The following STAG1 variants were observed in gnomAD, a reference collection of about 807,000 sequenced individuals.
STAG1 encodes cohesin subunit SA-1.
A neutral mutation model predicts 170.9 loss-of-function variants in STAG1; 26 were observed. The observed-to-expected ratio is 0.15, with a 90% CI of 0.11 to 0.21. The LOEUF (loss-of-function observed/expected upper bound fraction) is 0.21. Among genes scored for constraint, STAG1 ranks in the 10% least tolerant of loss-of-function variants. STAG1 has a pLI of 1.00. For synonymous variants in STAG1, 514 were observed against 497.7 expected (o/e 1.03, Z -0.44); for missense variants, 964 against 1,509.5 (o/e 0.64, Z 5.99).
chr3:136,528,500 C>CT (rs906328526), intron 6 of STAG1, among the ~76,000 whole-genome samples: 2 of 137,936 alleles, frequency 1.4e-5, no homozygotes, highest in Non-Finnish European at 3.1e-5. Context: ...CCGCACCCCC[C>CT]CCCCCAAAAA....
At chr3:136,469,146 G>A (rs921996976) in intron 12 of STAG1, among the ~76,000 whole-genome samples, 2 of 151,854 alleles carry the variant, frequency 1.3e-5, no homozygotes, top group East Asian at 1.9e-4. Context: ...GGGCAATCAG[G>A]CAGGAGAAGG....
intron 1 of STAG1, among the ~76,000 whole-genome samples, chr3:136,650,244 A>G (rs1266598980): frequency 6.6e-6 from 1 of 151,870 alleles, no homozygotes; most frequent in Admixed American, 6.6e-5. Context: ...AAGAAAAAAA[A>G]AAAAAAGAGA....
intron 6 of STAG1, among the ~76,000 whole-genome samples, chr3:136,532,764 A>G (rs1935441420): frequency 6.6e-6 from 1 of 152,192 alleles, no homozygotes; most frequent in South Asian, 2.1e-4. Context: ...AAAGGAATAT[A>G]CCTCAAAATA....
rs144187628 is a variant in STAG1, at chr3:136,521,166, T to C, written c.676+47A>G. On this transcript the variant is annotated intron_variant, in intron 7 of 33. Transcript: ENST00000383202. ...TTAAGTTTGTAATCAGAATAAAACA[T>C]AGTCAACAAAACTAAATGAAAAGGA... 9.6e-4 allele frequency: 1,399 copies of C among 1,452,306 alleles called. 1 individual carries two copies. In the Middle Eastern group the frequency reaches 0.01, roughly 11 times the overall value. 90.0% of individuals were successfully genotyped at this position (1,452,306 alleles called of 1,614,324 possible). A position where few individuals can be genotyped will look rare whatever the true frequency, so the allele number is the denominator to read the frequency against.
intron 8 of STAG1, 61 bp downstream of exon 8, chr3:136,502,567 A>T (rs940613383): frequency 4.6e-6 from 7 of 1,523,850 alleles, no homozygotes; most frequent in Non-Finnish European, 6.2e-6. Flanking sequence ...AAAAAGTACT[A>T]ATGTCATATA....
chr3:136,654,602 A>G (rs548644938), intron 1 of STAG1, among the ~76,000 whole-genome samples: 75 of 152,352 alleles, frequency 4.9e-4, no homozygotes, highest in Non-Finnish European at 3.2e-4. Context: ...AAATAACAAC[A>G]GTATTTTTTG....
At chr3:136,469,248 C>A (rs2107807209) in intron 12 of STAG1, among the ~76,000 whole-genome samples, 1 of 152,220 alleles carries the variant, frequency 6.6e-6, no homozygotes, top group African/African-American at 2.4e-5. Flanking sequence ...TCGTCTCAGC[C>A]CAAAATCTCC....
At position 136,377,386 on chromosome 3, in the gene STAG1, C is replaced by CAAAAAAAAAAAAA. The variant is rs57934830; in HGVS notation, c.2370+261_2370+273dup. On this transcript the variant is annotated intron_variant, in intron 23 of 33. Coordinates refer to ENST00000383202, the MANE Select transcript of STAG1 (RefSeq NM_005862.3). ...TGGGCGACAGAGCGAGACTCTGTCT[C>CAAAAAAAAAAAAA]AAAAAAAAAAAAAAAAAAAGTCTAC... 5.3e-3 allele frequency among the ~76,000 whole-genome samples: 227 copies of CAAAAAAAAAAAAA among 42,568 alleles called. 66 individuals carry two copies. The highest frequency in any genetic ancestry group is 7.4e-3 in the African/African-American group (60 of 8,126). 27.9% of individuals were successfully genotyped at this position (42,568 alleles called of 152,430 possible).
intron 1 of STAG1, among the ~76,000 whole-genome samples, chr3:136,715,923 C>T (rs563741383): frequency 3.3e-5 from 5 of 150,514 alleles, no homozygotes; most frequent in East Asian, 4.0e-4. Flanking sequence ...CGTGGCAAAA[C>T]GCTGTTTCTA....
intron 5 of STAG1, among the ~76,000 whole-genome samples, chr3:136,560,511 T>A (rs1183926451): frequency 6.6e-6 from 1 of 152,220 alleles, no homozygotes; most frequent in African/African-American, 2.4e-5. Flanking sequence ...ACTTATGAAT[T>A]TACATAGCTT....
At chr3:136,554,503 C>A (rs916326260) in intron 5 of STAG1, among the ~76,000 whole-genome samples, 1 of 152,176 alleles carries the variant, frequency 6.6e-6, no homozygotes, top group African/African-American at 2.4e-5. Context: ...GACAAGTCTA[C>A]AATTACAGAC....
At chr3:136,495,471 G>A (rs1228860460) in intron 9 of STAG1, among the ~76,000 whole-genome samples, 1 of 152,074 alleles carries the variant, frequency 6.6e-6, no homozygotes, top group East Asian at 1.9e-4. Flanking sequence ...GCTCTGTAAA[G>A]GTCACCATCA....
At chr3:136,490,345 A>C (rs2090100663) in intron 9 of STAG1, among the ~76,000 whole-genome samples, 1 of 152,104 alleles carries the variant, frequency 6.6e-6, no homozygotes, top group Non-Finnish European at 1.5e-5. Flanking sequence ...GTTATTTTAG[A>C]TGTATTGAAA....
chr3:136,589,256 T>C (rs1172111603), intron 4 of STAG1, among the ~76,000 whole-genome samples: 4 of 151,922 alleles, frequency 2.6e-5, no homozygotes, highest in African/African-American at 9.7e-5. Flanking sequence ...CCTAGCAGTT[T>C]GGGAGGCCAA....
chr3:136,452,299 T>C, intron 13 of STAG1, 152 bp from the exon 14 acceptor site: 1 of 582,350 alleles, frequency 1.7e-6, no homozygotes, highest in Non-Finnish European at 3.1e-6. Context: ...GTGCAGAGGC[T>C]CATGCCTGTA....
chr3:136,395,531 G>GA (rs2087124844), intron 22 of STAG1, among the ~76,000 whole-genome samples: 1 of 152,164 alleles, frequency 6.6e-6, no homozygotes, highest in South Asian at 2.1e-4. Context: ...TGAGGCAGGA[G>GA]AATCACTTGA....
intron 1 of STAG1, among the ~76,000 whole-genome samples, chr3:136,634,022 T>C (rs1005392777): frequency 4.7e-5 from 6 of 127,632 alleles, no homozygotes; most frequent in African/African-American, 1.7e-4. Flanking sequence ...GCACCTGAAG[T>C]CCCAGCTACT....
intron 22 of STAG1, among the ~76,000 whole-genome samples, chr3:136,395,552 T>C (rs2087125563): frequency 1.3e-5 from 2 of 151,952 alleles, no homozygotes; most frequent in African/African-American, 2.4e-5. Context: ...ACCCGGGAGG[T>C]AGAGGTTGCA....
At chr3:136,656,503 G>A (rs1941374931) in intron 1 of STAG1, among the ~76,000 whole-genome samples, 1 of 151,742 alleles carries the variant, frequency 6.6e-6, no homozygotes, top group Non-Finnish European at 1.5e-5. Context: ...TGGCAGAGGG[G>A]TCCCCAGAAC....
Sources: allele counts gnomAD v4.1 joint callset (sites outside exome capture counted in the v4.1 genomes callset), GRCh38; gene constraint gnomAD v4.1.1; transcripts MANE v1.5; gene names NCBI Gene and HGNC (gene_info 2026-07-23, HGNC 2026-07-21).